LAMA2: variants seen among roughly 807,000 people sequenced by gnomAD.
LAMA2 encodes laminin subunit alpha 2.
A neutral mutation model predicts 364.8 loss-of-function variants in LAMA2; 269 were observed. The ratio of observed to expected loss-of-function variants is 0.74; its 90% CI spans 0.67 to 0.82. The LOEUF (loss-of-function observed/expected upper bound fraction) is 0.82. Ranked by LOEUF, LAMA2 falls within the 40% of genes least tolerant of loss-of-function variation. The pLI is 0.00. For missense variants in LAMA2, 3,807 were observed against 3,873.2 expected (o/e 0.98, Z 0.45); for synonymous variants, 1,379 against 1,370.6 (o/e 1.01, Z -0.14).
intron 34 of LAMA2, 85 bp from the exon 35 acceptor site, chr6:129,383,037 A>C: frequency 9.0e-7 from 1 of 1,109,918 alleles, no homozygotes; most frequent in Admixed American, 1.9e-5. Context: ...GTAATATTTG[A>C]AAGAAAATGC....
chr6:129,490,880 A>G (rs1784826256), intron 56 of LAMA2: 1 of 152,170 alleles, frequency 6.6e-6, no homozygotes, highest in South Asian at 2.1e-4. Flanking sequence ...TTTTTGAGCC[A>G]CAGCGAAATC....
chr6:129,090,869 C>T (rs1774776969), intron 3 of LAMA2, among the ~76,000 whole-genome samples: 2 of 152,186 alleles, frequency 1.3e-5, no homozygotes, highest in South Asian at 2.1e-4. Flanking sequence ...TATGGGGGCT[C>T]CCTTCATAGT....
At chr6:129,066,047 T>TTTTTTTTTTTTTTG (rs1554210058) in intron 3 of LAMA2, among the ~76,000 whole-genome samples, 5 of 81,948 alleles carry the variant, frequency 6.1e-5, no homozygotes, top group South Asian at 1.3e-3. Flanking sequence ...GGTTTTTTTT[T>TTTTTTTTTTTTTTG]TTTTTTTTTT....
At chr6:128,963,127 T>C (rs1017194283) in intron 1 of LAMA2, among the ~76,000 whole-genome samples, 2 of 152,168 alleles carry the variant, frequency 1.3e-5, no homozygotes, top group African/African-American at 4.8e-5. Flanking sequence ...CTATCTGGTG[T>C]ATCTCTGAAG....
At position 129,291,620 on chromosome 6, in the gene LAMA2, G is replaced by A. The variant is rs35277491; in HGVS notation, c.2756G>A (p.Arg919His). 3.2e-5 allele frequency: 51 copies of A among 1,613,054 alleles called. No individual in the cohort carries two copies. The highest frequency in any genetic ancestry group is 1.6e-4 in the Middle Eastern group (1 of 6,082). The change falls in exon 20 of 65, where the codon CGC (arginine) becomes CAC (histidine). Residue 919 changes from arginine to histidine, a missense_variant. Physicochemically the swap from Arg to His is conservative, Grantham distance 29 (BLOSUM62 0). Coordinates refer to ENST00000421865, the MANE Select transcript of LAMA2 (RefSeq NM_000426.4). Reference sequence around the variant, plus strand: ...GTCTCTCTTCTCTTTGCAGCCTGTCGCTGTAATGCCGGTGGCTCTTTCTCT... The same window carrying A: ...GTCTCTCTTCTCTTTGCAGCCTGTCACTGTAATGCCGGTGGCTCTTTCTCT... ...AVDAKNCQPC[R>H]CNAGGSFSEV...
intron 4 of LAMA2, among the ~76,000 whole-genome samples, chr6:129,102,329 G>T (rs909345785): frequency 1.3e-5 from 2 of 151,532 alleles, no homozygotes; most frequent in Non-Finnish European, 2.9e-5. Context: ...TACAGACAGG[G>T]TTTCACCATG....
intron 27 of LAMA2, among the ~76,000 whole-genome samples, chr6:129,319,453 T>G (rs954125917): frequency 2.0e-5 from 3 of 152,198 alleles, no homozygotes; most frequent in African/African-American, 4.8e-5. Flanking sequence ...TATGTGAATA[T>G]TTTGCTAATA....
chr6:129,357,755 C>T (rs1777229011), intron 32 of LAMA2, among the ~76,000 whole-genome samples: 1 of 151,968 alleles, frequency 6.6e-6, no homozygotes, highest in Non-Finnish European at 1.5e-5. Flanking sequence ...GATCTGATCA[C>T]AATAATGCAG....
chr6:129,237,330 T>C (rs539806635), intron 12 of LAMA2, among the ~76,000 whole-genome samples: 65 of 82,408 alleles, frequency 7.9e-4, no homozygotes, highest in African/African-American at 1.9e-3. Context: ...ACATTGTTTT[T>C]CTGTTGTTGT....
chr6:129,332,018 C>A (rs1489700970), intron 29 of LAMA2, among the ~76,000 whole-genome samples: 1 of 152,214 alleles, frequency 6.6e-6, no homozygotes, highest in African/African-American at 2.4e-5. Context: ...CTGAAATCTA[C>A]ATAGTGGTAT....
At chr6:129,069,274 C>T (rs1382361112) in intron 3 of LAMA2, among the ~76,000 whole-genome samples, 3 of 151,104 alleles carry the variant, frequency 2.0e-5, no homozygotes, top group Non-Finnish European at 3.0e-5. Flanking sequence ...ATGACTTCCA[C>T]ACACAAAACA....
At chr6:128,911,063 G>C (rs991148488) in intron 1 of LAMA2, among the ~76,000 whole-genome samples, 1 of 151,986 alleles carries the variant, frequency 6.6e-6, no homozygotes, top group Non-Finnish European at 1.5e-5. Flanking sequence ...GGACATTTAA[G>C]TCTGCAGAGG....
At chr6:129,316,233 C>T in intron 27 of LAMA2, 62 bp downstream of exon 27, 1 of 1,277,162 alleles carries the variant, frequency 7.8e-7, no homozygotes, top group Non-Finnish European at 1.1e-6. Flanking sequence ...GGTTATTGAC[C>T]TACAGATATC....
chr6:129,210,049 G>A (rs1280805765), intron 12 of LAMA2, among the ~76,000 whole-genome samples: 1 of 148,818 alleles, frequency 6.7e-6, no homozygotes, highest in Admixed American at 6.7e-5. Context: ...CCCTTACTCT[G>A]GATTCACTTA....
chr6:129,027,066 A>G (rs1785876405), intron 1 of LAMA2, among the ~76,000 whole-genome samples: 1 of 152,086 alleles, frequency 6.6e-6, no homozygotes, highest in Non-Finnish European at 1.5e-5. Flanking sequence ...GCTTAGTAAT[A>G]ACCCCTAAAT....
chr6:129,177,853 C>T lies in LAMA2; in HGVS notation c.1454C>T (p.Pro485Leu), dbSNP rs146522136. 1 of 1,613,804 alleles carries T rather than the reference C, an allele frequency of 6.2e-7. No individual in the cohort carries two copies. The highest frequency in any genetic ancestry group is 2.2e-5 in the East Asian group (1 of 44,878). ...GSKNEDPCFG[P>L]CICKENVEGG... ...AAAAATGAGGATCCTTGTTTTGGCC[C>T]CTGTATCTGCAAGGTACATTGTTTA... is the stretch of plus-strand genomic sequence containing the variant. Residue 485 changes from proline (P) to leucine (L), a missense_variant, in exon 10 of 65, where the codon CCC (proline) becomes CTC (leucine). By Grantham distance (98) the Pro-to-Leu change is moderately conservative. Around this residue, in one of 3 missense-constraint regions of LAMA2, gnomAD observed 3,333 missense variants for 3,345.7 expected, o/e 1.00. Coordinates refer to ENST00000421865, the MANE Select transcript of LAMA2 (RefSeq NM_000426.4).
chr6:128,920,314 C>T (rs1161754272), intron 1 of LAMA2, among the ~76,000 whole-genome samples: 14 of 151,982 alleles, frequency 9.2e-5, no homozygotes, highest in Admixed American at 3.3e-4. Flanking sequence ...TGTGCCACCA[C>T]GCCCAGCTAA....
intron 43 of LAMA2, chr6:129,442,175 A>G: frequency 1.5e-6 from 2 of 1,309,342 alleles, no homozygotes; most frequent in Non-Finnish European, 2.0e-6. Context: ...TAAAATTCAA[A>G]TGCTGTTTGA....
chr6:129,428,144 C>A (rs1781415355), intron 41 of LAMA2, among the ~76,000 whole-genome samples: 1 of 152,138 alleles, frequency 6.6e-6, no homozygotes, highest in Non-Finnish European at 1.5e-5. Context: ...GAGTATCAAA[C>A]CCAGGCCAGC....
Sources: allele counts gnomAD v4.1 joint callset (sites outside exome capture counted in the v4.1 genomes callset), GRCh38; gene constraint gnomAD v4.1.1; regional missense constraint gnomAD v4.1.1; transcripts MANE v1.5; gene names NCBI Gene and HGNC (gene_info 2026-07-23, HGNC 2026-07-21).